CERT1: variants seen among roughly 807,000 people sequenced by gnomAD.
The protein encoded by CERT1 is ceramide transporter 1.
Under a neutral mutation model 87.9 loss-of-function variants are expected in CERT1, and 31 were observed. That is an observed-to-expected ratio of 0.35 (90% CI 0.27 to 0.48). CERT1 has a LOEUF of 0.48. Ranked by LOEUF, CERT1 falls within the 20% of genes least tolerant of loss-of-function variation. CERT1 has a pLI of 0.99. For missense variants in CERT1, 487 were observed against 758.0 expected (o/e 0.64, Z 4.20); for synonymous variants, 289 against 250.9 (o/e 1.15, Z -1.44).
intron 2 of CERT1, among the ~76,000 whole-genome samples, chr5:75,492,031 C>T (rs775294708): frequency 6.6e-6 from 1 of 152,072 alleles, no homozygotes; most frequent in Non-Finnish European, 1.5e-5. Flanking sequence ...TTGCTCAGTC[C>T]TTATTTATAT....
At chr5:75,451,055 G>A (rs61080643) in intron 3 of CERT1, among the ~76,000 whole-genome samples, 11,918 of 152,080 alleles carry the variant, frequency 0.078, 560 homozygotes, top group South Asian at 0.17. Flanking sequence ...ATAAACCCTC[G>A]ACAACTGAAT....
intron 9 of CERT1, chr5:75,402,748 C>T (rs1488789664): frequency 3.8e-5 from 11 of 291,504 alleles, no homozygotes; most frequent in Non-Finnish European, 5.2e-5. Context: ...TGCAGTAAGC[C>T]GAGATCGCGC....
intron 11 of CERT1, among the ~76,000 whole-genome samples, chr5:75,398,843 G>C (rs1762358439): frequency 6.6e-6 from 1 of 152,136 alleles, no homozygotes; most frequent in Non-Finnish European, 1.5e-5. Context: ...CTGCTCAATA[G>C]AGCTTAGTAT....
At chr5:75,383,880 G>A (rs1761682469) in intron 14 of CERT1, among the ~76,000 whole-genome samples, 1 of 152,100 alleles carries the variant, frequency 6.6e-6, no homozygotes, top group South Asian at 2.1e-4. Flanking sequence ...AGAAGAGAAA[G>A]AGCAGAATAA....
intron 5 of CERT1, among the ~76,000 whole-genome samples, chr5:75,419,736 C>T (rs921754006): frequency 7.9e-5 from 12 of 152,002 alleles, no homozygotes; most frequent in African/African-American, 2.4e-4. Flanking sequence ...TATCAGCCAT[C>T]TATTTATTTT....
At chr5:75,473,033 A>G (rs1765785078) in intron 2 of CERT1, among the ~76,000 whole-genome samples, 1 of 152,208 alleles carries the variant, frequency 6.6e-6, no homozygotes, top group Non-Finnish European at 1.5e-5. Context: ...AGATGAATGG[A>G]TAAAGAAAAT....
intron 2 of CERT1, among the ~76,000 whole-genome samples, chr5:75,498,726 G>A (rs1481258047): frequency 6.6e-6 from 1 of 152,216 alleles, no homozygotes; most frequent in Non-Finnish European, 1.5e-5. Flanking sequence ...CCCTCATGGA[G>A]AACCTCTGCT....
intron 2 of CERT1, among the ~76,000 whole-genome samples, chr5:75,474,870 ATGTAGT>A (rs1765890156): frequency 6.7e-6 from 1 of 149,028 alleles, no homozygotes; most frequent in South Asian, 2.2e-4. Context: ...TAATAATCTC[ATGTAGT>A]CTATTAGACT....
rs140532081 is a variant in CERT1, at chr5:75,408,678, T to G, written c.930+2333A>C. Reference sequence around the variant, plus strand: ...TTAAAAAATTAGCTATTTGGTATAATGTTCACTATTTGGGTAAGGGGCACA... The same window carrying G: ...TTAAAAAATTAGCTATTTGGTATAAGGTTCACTATTTGGGTAAGGGGCACA... On this transcript the variant is annotated intron_variant, in intron 8 of 16. Coordinates refer to ENST00000643780, the MANE Select transcript of CERT1 (RefSeq NM_001379029.1). 1.3e-3 allele frequency among the ~76,000 whole-genome samples: 202 copies of G among 152,166 alleles called. 2 individuals are homozygous for G. The highest frequency in any genetic ancestry group is 4.6e-3 in the African/African-American group (193 of 41,534).
At chr5:75,397,574 A>G (rs769999639) in intron 11 of CERT1, among the ~76,000 whole-genome samples, 99 of 151,900 alleles carry the variant, frequency 6.5e-4, no homozygotes, top group Non-Finnish European at 5.7e-4. Context: ...CTGTCATTAT[A>G]TTTTCTTTCA....
chr5:75,465,094 G>C (rs1374281006), intron 2 of CERT1, among the ~76,000 whole-genome samples: 1 of 152,176 alleles, frequency 6.6e-6, no homozygotes, highest in Non-Finnish European at 1.5e-5. Context: ...GAGTCAACCA[G>C]AGACTTGAAG....
At chr5:75,400,512 T>A (rs1395357974) in intron 9 of CERT1, 2 of 468,750 alleles carry the variant, frequency 4.3e-6, no homozygotes, top group African/African-American at 3.9e-5. Flanking sequence ...CCACAGATAC[T>A]ATGTTAGGCA....
chr5:75,391,235 A>T (rs982172517), intron 11 of CERT1, among the ~76,000 whole-genome samples: 18 of 152,168 alleles, frequency 1.2e-4, no homozygotes, highest in African/African-American at 4.3e-4. Context: ...TTAAAAAAGA[A>T]ACTCACTCTG....
chr5:75,441,783 T>C (rs1217629817), intron 3 of CERT1, among the ~76,000 whole-genome samples: 2 of 152,232 alleles, frequency 1.3e-5, no homozygotes, highest in South Asian at 2.1e-4. Context: ...TGAATGGATA[T>C]ACCACATTTT....
intron 2 of CERT1, among the ~76,000 whole-genome samples, chr5:75,461,685 A>C (rs1580804450): frequency 6.6e-6 from 1 of 152,182 alleles, no homozygotes. Context: ...TCTGGCAAAC[A>C]CCTTCTTATG....
chr5:75,467,652 A>AG (rs958209673), intron 2 of CERT1, among the ~76,000 whole-genome samples: 6 of 112,888 alleles, frequency 5.3e-5, no homozygotes, highest in African/African-American at 1.3e-4. Flanking sequence ...AAAAAAAAGA[A>AG]AAAAAAAAAA....
intron 3 of CERT1, among the ~76,000 whole-genome samples, chr5:75,435,151 TTCTG>T (rs1383068933): frequency 6.6e-6 from 1 of 152,234 alleles, no homozygotes; most frequent in Non-Finnish European, 1.5e-5. Context: ...TCTCTTTTAT[TTCTG>T]TCTGTCTGCA....
At chr5:75,395,351 C>A (rs1244530436) in intron 11 of CERT1, among the ~76,000 whole-genome samples, 2 of 152,038 alleles carry the variant, frequency 1.3e-5, no homozygotes, top group Non-Finnish European at 2.9e-5. Flanking sequence ...ACTTGCCAGC[C>A]TGGGCAACAT....
At chr5:75,394,715 C>G (rs1762176337) in intron 11 of CERT1, among the ~76,000 whole-genome samples, 2 of 151,850 alleles carry the variant, frequency 1.3e-5, no homozygotes, top group African/African-American at 4.8e-5. Flanking sequence ...CAAAGCAAAA[C>G]CCTGTATCAA....
Sources: allele counts gnomAD v4.1 joint callset (sites outside exome capture counted in the v4.1 genomes callset), GRCh38; gene constraint gnomAD v4.1.1; transcripts MANE v1.5; gene names NCBI Gene and HGNC (gene_info 2026-07-23, HGNC 2026-07-21).